GOSR1: variants seen among roughly 807,000 people sequenced by gnomAD.
The protein encoded by GOSR1 is golgi SNAP receptor complex member 1.
A neutral mutation model predicts 35.5 loss-of-function variants in GOSR1; 21 were observed. The ratio of observed to expected loss-of-function variants is 0.59; its 90% confidence interval spans 0.42 to 0.85. The LOEUF (loss-of-function observed/expected upper bound fraction) is 0.85. GOSR1 is among the 40% of genes least tolerant of loss of function. GOSR1 has a pLI of 0.00. For synonymous variants in GOSR1, 94 were observed against 106.6 expected (o/e 0.88, Z 0.73); for missense variants, 285 against 309.6 (o/e 0.92, Z 0.60).
chr17:30,495,801 C>G (rs944742104), intron 6 of GOSR1, among the ~76,000 whole-genome samples: 1 of 152,236 alleles, frequency 6.6e-6, no homozygotes, highest in Non-Finnish European at 1.5e-5. Context: ...AAATGCCAGC[C>G]CAATCCAGTC....
chr17:30,522,932 C>G lies in GOSR1; in HGVS notation c.*554C>G, dbSNP rs1178993563. ...ACCTCCCTGCCTGATTCTCCTGCCT[C>G]AGCCTGCCGAGTGCCTGCAATTGCA... On this transcript the variant is annotated 3_prime_UTR_variant, in exon 9 of 9. Coordinates refer to ENST00000451249, the MANE Select transcript of GOSR1 (RefSeq NM_001007025.2). 1 of 191,010 alleles carries G rather than the reference C, an allele frequency of 5.2e-6. No homozygotes were observed. Among genetic ancestry groups the G allele is most frequent in the Non-Finnish European group, 1.1e-5 (1 of 94,286 alleles). The allele number at this position is 191,010 out of a possible 1,614,324, so 11.8% of individuals were successfully genotyped here.
rs1422103280 is a variant in GOSR1 at position 30,516,470 on chromosome 17, AAAC to A, written c.540-3466_540-3464del. 7.6e-5 allele frequency among the ~76,000 whole-genome samples: 4 copies of A among 52,608 alleles called. 1 individual carries two copies. The highest frequency in any genetic ancestry group is 1.5e-4 in the African/African-American group (2 of 13,276). 34.5% of individuals were successfully genotyped at this position (52,608 alleles called of 152,430 possible). A position where few individuals can be genotyped will look rare whatever the true frequency, so the allele number is the denominator to read the frequency against. ...GGGTGACAGAGCAAGACTCCGTCTC[AAAC>A]AAAAAAAAAGAAAAAGAAAAAGTCA... On this transcript the variant is annotated intron_variant, in intron 7 of 8. Coordinates refer to ENST00000451249, the MANE Select transcript of GOSR1 (RefSeq NM_001007025.2).
intron 6 of GOSR1, among the ~76,000 whole-genome samples, chr17:30,505,833 A>G (rs374802706): frequency 2.6e-5 from 4 of 152,086 alleles, no homozygotes; most frequent in African/African-American, 4.8e-5. Flanking sequence ...GGCTCAAGCA[A>G]TCCTTCTACC....
intron 7 of GOSR1, among the ~76,000 whole-genome samples, chr17:30,515,585 C>G (rs115078127): frequency 4.6e-5 from 7 of 152,284 alleles, no homozygotes; most frequent in African/African-American, 1.7e-4. Context: ...GTACAAATTT[C>G]TACAAATCTC....
chr17:30,477,910 G>A, intron 1 of GOSR1: 3 of 984,752 alleles, frequency 3.0e-6, no homozygotes, highest in Non-Finnish European at 3.6e-6. Flanking sequence ...AGAGAAGGAG[G>A]AACTTGCATT....
At chr17:30,484,524 CTCT>C (rs1914552367) in intron 3 of GOSR1, 136 bp from the exon 4 acceptor site, 2 of 591,320 alleles carry the variant, frequency 3.4e-6, no homozygotes, top group African/African-American at 5.0e-5. Context: ...CTTACTTGCT[CTCT>C]TGTTTGTTTT....
At chr17:30,512,105 T>C (rs1339927187) in intron 7 of GOSR1, among the ~76,000 whole-genome samples, 1 of 152,226 alleles carries the variant, frequency 6.6e-6, no homozygotes, top group African/African-American at 2.4e-5. Context: ...TACAAGGTTT[T>C]GGGTCTGATT....
At chr17:30,514,747 G>A (rs1397872983) in intron 7 of GOSR1, among the ~76,000 whole-genome samples, 1 of 152,082 alleles carries the variant, frequency 6.6e-6, no homozygotes, top group African/African-American at 2.4e-5. Context: ...GTTATGTGTT[G>A]GGCCTTCTGA....
At chr17:30,504,257 C>A (rs1967322306) in intron 6 of GOSR1, among the ~76,000 whole-genome samples, 1 of 152,064 alleles carries the variant, frequency 6.6e-6, no homozygotes, top group Non-Finnish European at 1.5e-5. Context: ...GAGCTCCTGA[C>A]CTCAGGTGAT....
Position 30,522,804 on chromosome 17 carries a change from TTCCCTC to T in GOSR1, c.*443_*448del, listed in dbSNP as rs569394077. On this transcript the variant is annotated 3_prime_UTR_variant, in exon 9 of 9. Coordinates refer to ENST00000451249, the MANE Select transcript of GOSR1 (RefSeq NM_001007025.2). ...ATTGGATTGTGAATAAAAATAATTC[TTCCCTC>T]TCCCTCTCCCTCTCCCCACGGTCTC... The T allele has an allele frequency of 9.1e-4, 140 of 153,606 alleles. No individual in the cohort carries two copies. The highest frequency in any genetic ancestry group is 3.4e-3 in the Middle Eastern group (1 of 294). 9.5% of individuals were successfully genotyped at this position (153,606 alleles called of 1,614,324 possible). A position where few individuals can be genotyped will look rare whatever the true frequency, so the allele number is the denominator to read the frequency against.
chr17:30,485,053 C>G (rs1015972879), intron 4 of GOSR1: 3 of 434,858 alleles, frequency 6.9e-6, no homozygotes, highest in Non-Finnish European at 1.3e-5. Flanking sequence ...CTAGCTGTAA[C>G]AGTGAAATAG....
chr17:30,505,924 CATT>C (rs1348039920), intron 6 of GOSR1, among the ~76,000 whole-genome samples: 1 of 152,108 alleles, frequency 6.6e-6, no homozygotes, highest in Non-Finnish European at 1.5e-5. Flanking sequence ...GACAAGGTCT[CATT>C]ATATTGGCCA....
chr17:30,512,585 A>G (rs1487477522), intron 7 of GOSR1, among the ~76,000 whole-genome samples: 1 of 152,190 alleles, frequency 6.6e-6, no homozygotes. Context: ...ACAGTAAGCC[A>G]TGATTGTGTC....
chr17:30,508,321 A>C (rs1306856320), intron 6 of GOSR1, among the ~76,000 whole-genome samples: 2 of 152,192 alleles, frequency 1.3e-5, no homozygotes, highest in African/African-American at 2.4e-5. Context: ...TGGGCAATAT[A>C]AATCTTTATG....
At chr17:30,496,166 A>G (rs1327237452) in intron 6 of GOSR1, among the ~76,000 whole-genome samples, 3 of 152,136 alleles carry the variant, frequency 2.0e-5, no homozygotes, top group African/African-American at 7.2e-5. Context: ...GAGAAGGCCA[A>G]TACGTGCATT....
intron 6 of GOSR1, among the ~76,000 whole-genome samples, chr17:30,505,761 C>T (rs1243943318): frequency 6.6e-6 from 1 of 152,128 alleles, no homozygotes; most frequent in Non-Finnish European, 1.5e-5. Flanking sequence ...GGGTCTTTCT[C>T]AGTTGCCCCC....
intron 7 of GOSR1, among the ~76,000 whole-genome samples, chr17:30,514,315 C>T (rs1597795865): frequency 1.3e-5 from 2 of 152,132 alleles, no homozygotes; most frequent in Admixed American, 1.3e-4. Context: ...AAATAATTTC[C>T]TCTATTGGAT....
At chr17:30,501,057 T>A (rs938709688) in intron 6 of GOSR1, among the ~76,000 whole-genome samples, 2 of 152,084 alleles carry the variant, frequency 1.3e-5, no homozygotes, top group African/African-American at 4.8e-5. Context: ...ATTTTTTGTA[T>A]TTTTAGTAGA....
At chr17:30,480,886 A>C (rs148748216) in intron 1 of GOSR1, 1 of 267,294 alleles carries the variant, frequency 3.7e-6, no homozygotes, top group Non-Finnish European at 7.5e-6. Flanking sequence ...CTAATTTTCT[A>C]TTTTTAGTAG....
Sources: gnomAD v4.1 joint callset for allele counts (sites outside exome capture counted in the v4.1 genomes callset) on GRCh38, gnomAD v4.1.1 for gene constraint, MANE v1.5 for transcripts, NCBI Gene and HGNC (gene_info 2026-07-23, HGNC 2026-07-21) for gene names.